INPP5D: variants seen among roughly 807,000 people sequenced by gnomAD.
The protein encoded by INPP5D is inositol polyphosphate-5-phosphatase D.
In INPP5D, 33 loss-of-function variants were observed where a neutral mutation model predicts 122.9. The observed-to-expected ratio is 0.27, with a 90% CI of 0.20 to 0.36. The LOEUF (loss-of-function observed/expected upper bound fraction) is 0.36, where lower values mean the gene tolerates loss of function less well. INPP5D is among the 10% of genes least tolerant of loss of function. INPP5D has a pLI of 1.00. For synonymous variants in INPP5D, 584 were observed against 576.2 expected (o/e 1.01, Z -0.19); for missense variants, 1,053 against 1,412.7 (o/e 0.75, Z 4.08).
rs544274804 is a variant in INPP5D at position 233,087,525 on chromosome 2, C to T, written c.198+8127C>T. On this transcript the variant is annotated intron_variant, in intron 2 of 26. Transcript: ENST00000445964. ...TGTTTTTAGTAGAGACAGGGTTTCACCATGTTGCCCAGGATGGTCTCGACC... is the reference window on the plus strand; with the variant it reads ...TGTTTTTAGTAGAGACAGGGTTTCATCATGTTGCCCAGGATGGTCTCGACC... Among the ~76,000 whole-genome samples, 12 of 152,184 alleles carry T rather than the reference C, an allele frequency of 7.9e-5. No individual in the cohort carries two copies. In the East Asian group the frequency reaches 2.1e-3, roughly 27 times the overall value.
At chr2:233,095,615 C>CAAAAA (rs59030376) in intron 2 of INPP5D, among the ~76,000 whole-genome samples, 1 of 129,194 alleles carries the variant, frequency 7.7e-6, no homozygotes, top group Non-Finnish European at 1.6e-5. Context: ...GAAACTGTCT[C>CAAAAA]AAAAAAAAAA....
At chr2:233,151,933 G>A (rs1693935056) in intron 9 of INPP5D, among the ~76,000 whole-genome samples, 1 of 152,258 alleles carries the variant, frequency 6.6e-6, no homozygotes, top group African/African-American at 2.4e-5. Flanking sequence ...GCATGAGTGA[G>A]CAAATGTGTC....
intron 5 of INPP5D, among the ~76,000 whole-genome samples, chr2:233,139,471 T>TGC (rs1440893277): frequency 3.8e-4 from 15 of 39,090 alleles, no homozygotes; most frequent in African/African-American, 1.8e-3. Flanking sequence ...AACACCTGTG[T>TGC]GTGTGTGTGT....
intron 17 of INPP5D, among the ~76,000 whole-genome samples, chr2:233,173,715 TGAGGTCAA>T (rs780437288): frequency 6.6e-6 from 1 of 152,178 alleles, no homozygotes; most frequent in Non-Finnish European, 1.5e-5. Flanking sequence ...GTGAGTCACC[TGAGGTCAA>T]GAGGTCGAGA....
At chr2:233,131,034 TAAATTA>T in intron 5 of INPP5D, 1 of 271,338 alleles carries the variant, frequency 3.7e-6, no homozygotes, top group South Asian at 1.4e-4. Flanking sequence ...CAAAAGGAAA[TAAATTA>T]AAGTTAGTCT....
At chr2:233,062,622 C>G (rs1293001019) in intron 1 of INPP5D, among the ~76,000 whole-genome samples, 1 of 152,182 alleles carries the variant, frequency 6.6e-6, no homozygotes, top group Non-Finnish European at 1.5e-5. Flanking sequence ...CTACAGATGT[C>G]CACTATCCTC....
At chr2:233,199,116 G>T (rs1247086959) in intron 25 of INPP5D, among the ~76,000 whole-genome samples, 17 of 152,064 alleles carry the variant, frequency 1.1e-4, no homozygotes, top group African/African-American at 3.9e-4. Context: ...CAGGCATGGT[G>T]GCTCACACCT....
At chr2:233,074,114 A>G (rs528355903) in intron 1 of INPP5D, among the ~76,000 whole-genome samples, 6 of 152,312 alleles carry the variant, frequency 3.9e-5, no homozygotes, top group Admixed American at 3.9e-4. Flanking sequence ...TTTTCTGACA[A>G]AGAACTGTCG....
chr2:233,177,947 G>C lies in INPP5D; in HGVS notation c.2071+601G>C, dbSNP rs1223444119. Among the ~76,000 whole-genome samples, 1 of 152,168 alleles carries C rather than the reference G, an allele frequency of 6.6e-6. No individual in the cohort carries two copies. The highest frequency in any genetic ancestry group is 2.4e-5 in the African/African-American group (1 of 41,446). On this transcript the variant is annotated intron_variant, in intron 18 of 26. Transcript: ENST00000445964. This position sits in a 1 kb window ranked among gnomAD's most constrained non-coding sequence, Gnocchi z 4.2. ...TATTAAGTGTGAACCATATGAAAGT[G>C]TTTTTGTAGGTCAGAAATAGTTATT...
intron 2 of INPP5D, among the ~76,000 whole-genome samples, chr2:233,117,212 G>A (rs906374841): frequency 6.6e-6 from 1 of 152,166 alleles, no homozygotes; most frequent in African/African-American, 2.4e-5. Context: ...GTGGCAGCCT[G>A]GGCCATTAGG....
At chr2:233,068,367 A>G (rs140494190) in intron 1 of INPP5D, among the ~76,000 whole-genome samples, 7,994 of 151,470 alleles carry the variant, frequency 0.053, 552 homozygotes, top group African/African-American at 0.16. Flanking sequence ...GGCTGAGGCA[A>G]GAGGATCATG....
At chr2:233,131,335 G>GAA (rs11416064) in intron 5 of INPP5D, among the ~76,000 whole-genome samples, 3 of 151,098 alleles carry the variant, frequency 2.0e-5, no homozygotes, top group East Asian at 1.9e-4. Flanking sequence ...GCTTGGAAGA[G>GAA]AAAAAAAACA....
At chr2:233,167,163 G>A (rs1262630943) in intron 13 of INPP5D, among the ~76,000 whole-genome samples, 1 of 146,368 alleles carries the variant, frequency 6.8e-6, no homozygotes, top group Non-Finnish European at 1.5e-5. Context: ...CTGAGACCGG[G>A]AGTTTGAGAC....
intron 2 of INPP5D, among the ~76,000 whole-genome samples, chr2:233,086,823 T>C (rs771374104): frequency 2.0e-5 from 3 of 152,182 alleles, no homozygotes; most frequent in Non-Finnish European, 4.4e-5. Context: ...AAATTGAATA[T>C]CGAGTTTCAC....
chr2:233,080,640 A>T (rs1691659814), intron 2 of INPP5D, among the ~76,000 whole-genome samples: 1 of 152,042 alleles, frequency 6.6e-6, no homozygotes, highest in African/African-American at 2.4e-5. Context: ...GGGAGGGGAG[A>T]GGCAGGGTAC....
In INPP5D at chr2:233,198,241, C is replaced by G. The variant is rs558522784; in HGVS notation, c.2840C>G (p.Pro947Arg). Reference sequence around the variant, plus strand: ...CCCACAGCCTGGAGCTACGACCAGCCGCCCAAGGACTCCCCGCTGGGGCCC... The same window carrying G: ...CCCACAGCCTGGAGCTACGACCAGCGGCCCAAGGACTCCCCGCTGGGGCCC... ...QQPTAWSYDQ[P>R]PKDSPLGPCR... The change falls in exon 25 of 27, where the codon CCG becomes CGG. Residue 947 changes from proline to arginine, a missense_variant. Coordinates refer to ENST00000445964, the MANE Select transcript of INPP5D (RefSeq NM_001017915.3). The G allele has an allele frequency of 2.5e-6, 4 of 1,613,498 alleles. No homozygotes were observed. Among genetic ancestry groups the G allele is most frequent in the Non-Finnish European group, 3.4e-6 (4 of 1,179,902 alleles).
intron 1 of INPP5D, among the ~76,000 whole-genome samples, chr2:233,065,474 A>T (rs370558436): frequency 9.7e-6 from 1 of 103,370 alleles, no homozygotes; most frequent in Non-Finnish European, 2.1e-5. Context: ...CACCGGGCTA[A>T]TTTTTTTTTT....
intron 2 of INPP5D, among the ~76,000 whole-genome samples, chr2:233,103,122 C>A (rs180752096): frequency 6.6e-6 from 1 of 152,228 alleles, no homozygotes; most frequent in East Asian, 1.9e-4. Context: ...CATGCTGCTG[C>A]GTGCACAGCA....
At chr2:233,115,511 C>G (rs188918175) in intron 2 of INPP5D, among the ~76,000 whole-genome samples, 1 of 152,314 alleles carries the variant, frequency 6.6e-6, no homozygotes, top group Non-Finnish European at 1.5e-5. Context: ...GAGCCTCCAG[C>G]AGTCTGGACA....
Sources: allele counts gnomAD v4.1 joint callset (sites outside exome capture counted in the v4.1 genomes callset), GRCh38; gene constraint gnomAD v4.1.1; non-coding constraint Gnocchi (gnomAD v3.1); transcripts MANE v1.5; gene names NCBI Gene and HGNC (gene_info 2026-07-23, HGNC 2026-07-21).